The following SYTL4 variants were observed in gnomAD, a reference collection of about 807,000 sequenced individuals.
The protein encoded by SYTL4 is synaptotagmin-like protein 4.
A neutral mutation model predicts 52.7 loss-of-function variants in SYTL4; 16 were observed. The observed-to-expected ratio is 0.30, with a 90% CI of 0.21 to 0.46. The LOEUF (loss-of-function observed/expected upper bound fraction) is 0.46. Among genes scored for constraint, SYTL4 ranks in the 20% least tolerant of loss-of-function variants. The pLI is 1.00. For synonymous variants in SYTL4, 160 were observed against 186.6 expected, an observed-to-expected ratio of 0.86 and a Z score of 1.16; for missense variants, 423 against 519.9, an observed-to-expected ratio of 0.81 and a Z score of 1.81.
chrX:100,682,401 A>AG (rs975399615), intron 16 of SYTL4, among the ~76,000 whole-genome samples: 6 of 109,660 alleles, frequency 5.5e-5, no homozygotes, highest in African/African-American at 2.0e-4. Flanking sequence ...GAAGGCTTGC[A>AG]GGGGAAAAAA....
At chrX:100,729,241 G>T (rs1353615205) in intron 2 of SYTL4, among the ~76,000 whole-genome samples, 1 of 110,937 alleles carries the variant, frequency 9.0e-6, no homozygotes, top group African/African-American at 3.3e-5. Context: ...TCCTAGAATG[G>T]CAATGCCATT....
intron 2 of SYTL4, among the ~76,000 whole-genome samples, chrX:100,724,226 G>A (rs1351667292): frequency 2.9e-5 from 3 of 101,746 alleles, no homozygotes; most frequent in East Asian, 3.3e-4. Flanking sequence ...CCGGCCAGCC[G>A]CCCCGTCCAG....
chrX:100,704,072 A>G (rs1373485241), intron 3 of SYTL4, among the ~76,000 whole-genome samples: 1 of 112,540 alleles, frequency 8.9e-6, no homozygotes, highest in Non-Finnish European at 1.9e-5. Flanking sequence ...AGCAAAAGAC[A>G]ATCTAGATTT....
chrX:100,709,407 G>A (rs1171861659), intron 2 of SYTL4, among the ~76,000 whole-genome samples: 1 of 111,960 alleles, frequency 8.9e-6, no homozygotes, highest in East Asian at 2.8e-4. Flanking sequence ...GGACGCTGAG[G>A]CAGAGAATGG....
chrX:100,677,196 T>C (rs1416509448), intron 19 of SYTL4, among the ~76,000 whole-genome samples: 2 of 111,969 alleles, frequency 1.8e-5, no homozygotes, highest in African/African-American at 3.2e-5. Flanking sequence ...AGAACCAGAC[T>C]TTCCATTCAG....
At chrX:100,678,157 A>G (rs6620911) in intron 19 of SYTL4, among the ~76,000 whole-genome samples, 49,870 of 109,677 alleles carry the variant, frequency 0.45, 9,205 homozygotes, top group African/African-American at 0.66. Flanking sequence ...GAAGATTATG[A>G]AGTTCCTGGC....
In SYTL4 at chrX:100,700,912, C is replaced by G. The variant is rs779226209; in HGVS notation, c.524G>C (p.Arg175Pro). 4 of 1,206,152 alleles carry G rather than the reference C, an allele frequency of 3.3e-6. No individual in the cohort carries two copies. In the South Asian group the frequency reaches 7.1e-5, roughly 21 times the overall value. ...IWPGRKIIQE[R>P]QKEPSVLFEV... Reference sequence around the variant, plus strand: ...TGATTCTTACCTGGGCTCCTTCTGCCGCTCCTGAATGATCTTTCTTCCTGG... The same window carrying G: ...TGATTCTTACCTGGGCTCCTTCTGCGGCTCCTGAATGATCTTTCTTCCTGG... The change falls in exon 8 of 20, where the codon CGG becomes CCG. Residue 175 changes from arginine to proline, a missense_variant. Coordinates refer to ENST00000372989, the MANE Select transcript of SYTL4 (RefSeq NM_001370165.1).
intron 2 of SYTL4, among the ~76,000 whole-genome samples, chrX:100,715,085 A>G (rs1209462074): frequency 1.8e-5 from 2 of 112,107 alleles, no homozygotes; most frequent in African/African-American, 3.2e-5. Flanking sequence ...CAGCGGCACA[A>G]TCGTAGCTCA....
chrX:100,729,583 T>A (rs1360830733), intron 2 of SYTL4, among the ~76,000 whole-genome samples: 1 of 111,426 alleles, frequency 9.0e-6, no homozygotes, highest in African/African-American at 3.3e-5. Flanking sequence ...TGGCATGGTA[T>A]GTCCGGTTAC....
intron 2 of SYTL4, among the ~76,000 whole-genome samples, chrX:100,714,999 C>G (rs375073459): frequency 9.0e-6 from 1 of 111,264 alleles, no homozygotes; most frequent in Non-Finnish European, 1.9e-5. Flanking sequence ...TTCATTTAAT[C>G]TCTCATCCTT....
At position 100,701,933 on chromosome X, in the gene SYTL4, C is replaced by G; in HGVS notation, c.105G>C (p.Arg35Ser). The G allele has an allele frequency of 8.3e-7, 1 of 1,204,837 alleles. No homozygotes were observed. The change falls in exon 5 of 20, where the codon AGG (arginine) becomes AGC (serine). Residue 35 changes from arginine to serine, a missense_variant. Coordinates refer to ENST00000372989, the MANE Select transcript of SYTL4 (RefSeq NM_001370165.1). Reference protein sequence around the residue: ...DEEVRKADEKRIRRLKNELLE... With the variant: ...DEEVRKADEKSIRRLKNELLE... The stretch of plus-strand genomic sequence containing the variant: ...GCGTTTTGGGGAACTCTTACCTAAT[C>G]CTTTTCTCATCTGCTTTCCGGACCT...
chrX:100,686,959 C>A, intron 14 of SYTL4, 108 bp downstream of exon 14: 1 of 954,469 alleles, frequency 1.0e-6, no homozygotes, highest in Non-Finnish European at 1.4e-6. Context: ...CTACATTACA[C>A]CTCCCTGCTC....
At chrX:100,724,045 G>A (rs1395117637) in intron 2 of SYTL4, among the ~76,000 whole-genome samples, 20 of 94,537 alleles carry the variant, frequency 2.1e-4, no homozygotes, top group Admixed American at 5.3e-4. Context: ...CCAGCCAGCC[G>A]CCCCGTCCGG....
intron 2 of SYTL4, among the ~76,000 whole-genome samples, chrX:100,728,865 G>A (rs936997478): frequency 1.0e-4 from 11 of 110,337 alleles, no homozygotes; most frequent in African/African-American, 3.3e-4. Context: ...GTGAAATCCC[G>A]TCTCTACTAA....
At chrX:100,676,210 G>GC in intron 19 of SYTL4, 34 bp from the exon 20 acceptor site, 1 of 1,206,608 alleles carries the variant, frequency 8.3e-7, no homozygotes, top group Non-Finnish European at 1.1e-6. Context: ...CTAAAGAGGG[G>GC]CCCCACTCTC....
At chrX:100,678,270 C>A in intron 19 of SYTL4, 121 bp downstream of exon 19, 1 of 522,217 alleles carries the variant, frequency 1.9e-6, no homozygotes, top group Non-Finnish European at 3.2e-6. Flanking sequence ...TGAATGTTAA[C>A]TGAAAGGAAA....
intron 8 of SYTL4, among the ~76,000 whole-genome samples, chrX:100,698,294 G>A (rs1031929001): frequency 3.6e-5 from 4 of 110,496 alleles, no homozygotes; most frequent in Middle Eastern, 9.4e-3. Context: ...TATTAGAGAC[G>A]GGGTTTCACC....
At chrX:100,728,655 C>T (rs1361399941) in intron 2 of SYTL4, among the ~76,000 whole-genome samples, 1 of 111,958 alleles carries the variant, frequency 8.9e-6, no homozygotes, top group African/African-American at 3.3e-5. Context: ...CCTCCCAGTG[C>T]AGTCCCCCTT....
chrX:100,707,190 A>T (rs898940889), intron 2 of SYTL4, among the ~76,000 whole-genome samples: 10 of 112,034 alleles, frequency 8.9e-5, no homozygotes, highest in African/African-American at 3.2e-4. Context: ...CCCAAAACTG[A>T]CCATGTACTA....
Sources: gnomAD v4.1 joint callset for allele counts (sites outside exome capture counted in the v4.1 genomes callset) on GRCh38, gnomAD v4.1.1 for gene constraint, MANE v1.5 for transcripts, NCBI Gene and HGNC (gene_info 2026-07-23, HGNC 2026-07-21) for gene names.